PIEZO2: variants seen among roughly 807,000 people sequenced by gnomAD.
The protein encoded by PIEZO2 is piezo-type mechanosensitive ion channel component 2.
PIEZO2 carries 172 observed loss-of-function variants against 337.3 expected under a neutral mutation model. The ratio of observed to expected loss-of-function variants is 0.51; its 90% CI spans 0.45 to 0.58. The LOEUF (loss-of-function observed/expected upper bound fraction) is 0.58, where lower values mean the gene tolerates loss of function less well. Ranked by LOEUF, PIEZO2 falls within the 20% of genes least tolerant of loss-of-function variation. The pLI, the probability that PIEZO2 is intolerant of heterozygous loss-of-function variation, is 0.00. For missense variants in PIEZO2, 3,028 were observed against 3,391.3 expected, an observed-to-expected ratio of 0.89 and a Z score of 2.66; for synonymous variants, 1,251 against 1,228.5, an observed-to-expected ratio of 1.02 and a Z score of -0.38.
chr18:10,683,949 T>G (rs1418511657), intron 49 of PIEZO2, among the ~76,000 whole-genome samples: 1 of 152,042 alleles, frequency 6.6e-6, no homozygotes, highest in Non-Finnish European at 1.5e-5. Flanking sequence ...ACACTGCCTT[T>G]CCAGGGGACA....
intron 15 of PIEZO2, among the ~76,000 whole-genome samples, chr18:10,788,419 AAAG>A (rs1160033025): frequency 0.028 from 3,711 of 133,820 alleles, 82 homozygotes; most frequent in Non-Finnish European, 0.044. Flanking sequence ...AAAAAAAAAA[AAAG>A]AAAGAAAGGA....
intron 4 of PIEZO2, among the ~76,000 whole-genome samples, chr18:10,889,798 C>G (rs139510610): frequency 1.5e-3 from 235 of 152,290 alleles, no homozygotes; most frequent in African/African-American, 5.0e-3. Context: ...CAGGGGACCA[C>G]AGCAGCCCCA....
intron 1 of PIEZO2, among the ~76,000 whole-genome samples, chr18:11,134,580 A>T (rs2040429982): frequency 6.6e-6 from 1 of 152,118 alleles, no homozygotes; most frequent in African/African-American, 2.4e-5. Context: ...AGAATTTTTC[A>T]ATGTGTGCTC....
rs139603996 is a variant in PIEZO2, at chr18:10,733,283, C to T, written c.4915-1762G>A. Among the ~76,000 whole-genome samples the T allele has an allele frequency of 6.4e-3, 971 of 152,046 alleles. 16 individuals are homozygous for T. The highest frequency in any genetic ancestry group is 0.022 in the African/African-American group (923 of 41,458). ...AGAGGAGGGAGTCATAGGGTAATTC[C>T]TTATTTGTAGGTAAATTATCTTAAC... On this transcript the variant is annotated intron_variant, in intron 35 of 55. Transcript: ENST00000674853.
rs1018407006 is a variant in PIEZO2, at chr18:10,847,352, T to G, written c.917+8001A>C. Among the ~76,000 whole-genome samples the G allele has an allele frequency of 2.6e-5, 4 of 152,276 alleles. No homozygotes were observed. The South Asian group carries it at 6.2e-4, about 24-fold the overall frequency. On this transcript the variant is annotated intron_variant, in intron 7 of 55. Coordinates refer to ENST00000674853, the MANE Select transcript of PIEZO2 (RefSeq NM_001378183.1). This position sits in a 1 kb window ranked among gnomAD's most constrained non-coding sequence, Gnocchi z 5.7. ...ACAGAGGCATCTTCTCCATAAAAAC[T>G]GAAAGGAAGACCGTGGAGATGCCCT...
chr18:11,017,268 A>C (rs992506435), intron 2 of PIEZO2, among the ~76,000 whole-genome samples: 1 of 152,214 alleles, frequency 6.6e-6, no homozygotes, highest in South Asian at 2.1e-4. Flanking sequence ...GCAGAAATTA[A>C]GTGATATCTT....
At chr18:10,752,614 T>G (rs1351976616) in intron 28 of PIEZO2, 22 bp downstream of exon 28, 1 of 1,535,754 alleles carries the variant, frequency 6.5e-7, no homozygotes, top group Admixed American at 2.0e-5. Flanking sequence ...CGCAAATGTG[T>G]TATGCAGTGG....
At chr18:10,817,796 G>A (rs749990832) in intron 7 of PIEZO2, among the ~76,000 whole-genome samples, 1 of 151,776 alleles carries the variant, frequency 6.6e-6, no homozygotes, top group Admixed American at 6.6e-5. Flanking sequence ...GGTGGCAGGC[G>A]CCTGTAGTCC....
intron 7 of PIEZO2, among the ~76,000 whole-genome samples, chr18:10,839,306 T>C (rs1234343828): frequency 3.3e-5 from 5 of 152,222 alleles, no homozygotes; most frequent in Non-Finnish European, 7.3e-5. Context: ...ATAGTTCCAT[T>C]ACAGGACTCA....
chr18:10,904,046 C>A (rs1276501225), intron 4 of PIEZO2, among the ~76,000 whole-genome samples: 2 of 152,080 alleles, frequency 1.3e-5, no homozygotes, highest in African/African-American at 4.8e-5. Flanking sequence ...GCATGTAACT[C>A]ATAAAAATAC....
intron 7 of PIEZO2, among the ~76,000 whole-genome samples, chr18:10,841,602 G>T (rs1318368136): frequency 6.6e-6 from 1 of 152,154 alleles, no homozygotes; most frequent in Admixed American, 6.5e-5. Flanking sequence ...TGGCAAAGCT[G>T]TCCTTCAAAA....
intron 4 of PIEZO2, among the ~76,000 whole-genome samples, chr18:10,896,079 C>T (rs146124139): frequency 1.1e-3 from 154 of 142,186 alleles, no homozygotes; most frequent in African/African-American, 3.6e-3. Flanking sequence ...AAAACAAAAA[C>T]GAAAAAAAAA....
At chr18:10,805,886 T>A (rs1389794034) in intron 8 of PIEZO2, among the ~76,000 whole-genome samples, 2 of 152,256 alleles carry the variant, frequency 1.3e-5, no homozygotes, top group Non-Finnish European at 2.9e-5. Context: ...GTGGCGCTTC[T>A]GTCAGGGATG....
chr18:11,058,585 C>G (rs1376923593), intron 2 of PIEZO2, among the ~76,000 whole-genome samples: 1 of 151,974 alleles, frequency 6.6e-6, no homozygotes, highest in Admixed American at 6.5e-5. Context: ...CTTAAAGGAC[C>G]TGATGGAGCT....
At position 10,979,433 on chromosome 18, in the gene PIEZO2, T is replaced by A. The variant is rs1416216021; in HGVS notation, c.286+102A>T. ...AATTTCCATGAATTTTATAATTTAA[T>A]TATTGCATAGATTTCTATGTGTGCG... On this transcript the variant is annotated intron_variant, in intron 3 of 55. Coordinates refer to ENST00000674853, the MANE Select transcript of PIEZO2 (RefSeq NM_001378183.1). This position sits in a 1 kb window ranked among gnomAD's most constrained non-coding sequence, Gnocchi z 4.0. 1 of 1,200,826 alleles carries A rather than the reference T, an allele frequency of 8.3e-7. No individual in the cohort carries two copies. Among genetic ancestry groups the A allele is most frequent in the Admixed American group, 3.3e-5 (1 of 30,340 alleles). 74.4% of individuals were successfully genotyped at this position (1,200,826 alleles called of 1,614,324 possible). A position where few individuals can be genotyped will look rare whatever the true frequency, so the allele number is the denominator to read the frequency against.
intron 21 of PIEZO2, among the ~76,000 whole-genome samples, chr18:10,763,953 C>T (rs1013521881): frequency 1.3e-5 from 2 of 152,130 alleles, no homozygotes; most frequent in Non-Finnish European, 1.5e-5. Context: ...CAGGTTTCCA[C>T]TTGGGAGCCT....
intron 7 of PIEZO2, among the ~76,000 whole-genome samples, chr18:10,839,417 C>T (rs981758177): frequency 3.3e-5 from 5 of 152,200 alleles, no homozygotes; most frequent in African/African-American, 1.2e-4. Flanking sequence ...GATATCACCC[C>T]TGTCATCAAA....
intron 49 of PIEZO2, among the ~76,000 whole-genome samples, chr18:10,689,244 T>C (rs1244899667): frequency 1.3e-5 from 2 of 152,216 alleles, no homozygotes; most frequent in Non-Finnish European, 2.9e-5. Flanking sequence ...CACTTCAATT[T>C]TCTTTGCACA....
rs1297251686 is a variant in PIEZO2 at position 10,888,882 on chromosome 18, C to G, written c.330-17467G>C. ...CATACAGGGTACACTTCCACCAACA[C>G]CTCCATGCAACCCCTCTCCCTCAAC... On this transcript the variant is annotated intron_variant, in intron 4 of 55. Coordinates refer to ENST00000674853, the MANE Select transcript of PIEZO2 (RefSeq NM_001378183.1). This position sits in a 1 kb window ranked among gnomAD's most constrained non-coding sequence, Gnocchi z 4.1. Among the ~76,000 whole-genome samples the G allele has an allele frequency of 6.6e-6, 1 of 151,960 alleles. No individual in the cohort carries two copies. The highest frequency in any genetic ancestry group is 2.4e-5 in the African/African-American group (1 of 41,338).
Sources: allele counts gnomAD v4.1 joint callset (sites outside exome capture counted in the v4.1 genomes callset), GRCh38; gene constraint gnomAD v4.1.1; non-coding constraint Gnocchi (gnomAD v3.1); transcripts MANE v1.5; gene names NCBI Gene and HGNC (gene_info 2026-07-23, HGNC 2026-07-21).